The following PZP variants were observed in gnomAD, a reference collection of about 807,000 sequenced individuals.
PZP encodes the protein PZP alpha-2-macroglobulin like.
PZP carries 150 observed loss-of-function variants against 179.8 expected under a neutral mutation model. That is an observed-to-expected ratio of 0.83 (90% CI 0.73 to 0.96). PZP has a LOEUF of 0.96. Ranked by LOEUF, PZP falls within the 40% of genes least tolerant of loss-of-function variation. PZP has a pLI of 0.00. For synonymous variants in PZP, 624 were observed against 652.3 expected, an observed-to-expected ratio of 0.96 and a Z score of 0.66; for missense variants, 1,689 against 1,764.0, an observed-to-expected ratio of 0.96 and a Z score of 0.76.
At chr12:9,160,632 C>T (rs988134856) in intron 23 of PZP, 142 bp from the exon 24 acceptor site, 9 of 788,022 alleles carry the variant, frequency 1.1e-5, no homozygotes, top group Middle Eastern at 3.7e-4. Flanking sequence ...TTCCAGAATC[C>T]TAATAAGAAT....
At position 9,158,556 on chromosome 12, in the gene PZP, T is replaced by G. The variant is rs759287138; in HGVS notation, c.3158A>C (p.Lys1053Thr). Residue 1053 changes from lysine to threonine, a missense_variant, in exon 26 of 36, where the codon AAG becomes ACG. By Grantham distance (78) the Lys-to-Thr change is moderately conservative. Coordinates refer to ENST00000261336, the MANE Select transcript of PZP (RefSeq NM_002864.3). Reference sequence around the variant, plus strand: ...GTAGGATCGAGCCTGGGCGAAAGTCTTCAGTACAAAAGCTGTGAGCCTAGG... The same window carrying G: ...GTAGGATCGAGCCTGGGCGAAAGTCGTCAGTACAAAAGCTGTGAGCCTAGG... ...GNTWLTAFVL[K>T]TFAQARSYIF... The G allele has an allele frequency of 1.2e-6, 2 of 1,614,070 alleles. No individual in the cohort carries two copies. Among genetic ancestry groups the G allele is most frequent in the Admixed American group, 1.7e-5 (1 of 60,014 alleles).
chr12:9,179,978 C>T (rs1303901461), intron 15 of PZP, among the ~76,000 whole-genome samples: 1 of 152,168 alleles, frequency 6.6e-6, no homozygotes, highest in Non-Finnish European at 1.5e-5. Context: ...TCTGAATCCA[C>T]TTTTCTAATC....
chr12:9,152,732 C>G, intron 31 of PZP, 92 bp downstream of exon 31: 1 of 1,329,412 alleles, frequency 7.5e-7, no homozygotes, highest in Non-Finnish European at 1.0e-6. Flanking sequence ...TTATATTAAT[C>G]TAATAACATA....
chr12:9,137,804 AT>A, the PZP span, among the ~76,000 whole-genome samples: 2 of 151,814 alleles, frequency 1.3e-5, no homozygotes, highest in Non-Finnish European at 2.9e-5. Flanking sequence ...TGTTGTCTTA[AT>A]TTCCTTTTCA....
In PZP at chr12:9,180,381, A is replaced by G. The variant is rs1191853052; in HGVS notation, c.1839+602T>C. Among the ~76,000 whole-genome samples the G allele has an allele frequency of 2.6e-5, 4 of 152,166 alleles. No homozygotes were observed. In the East Asian group the frequency reaches 5.8e-4, roughly 22 times the overall value. On this transcript the variant is annotated intron_variant, in intron 15 of 35. Coordinates refer to ENST00000261336, the MANE Select transcript of PZP (RefSeq NM_002864.3). ...AAAAGAACAAAGCTGGAGGCATCAC[A>G]CTACCTGACTTCAAACTATACTATA...
intron 7 of PZP, 134 bp downstream of exon 7, chr12:9,200,230 C>T (rs755192321): frequency 2.7e-5 from 14 of 521,098 alleles, no homozygotes; most frequent in South Asian, 1.8e-4. Context: ...AATAGTAAGT[C>T]GTTAAATAAA....
rs376566013 is a variant in PZP, at chr12:9,192,640, C to T, written c.1354G>A (p.Gly452Arg). ...ACAGGCTCCAGGTGAATGTAACTTC[C>T]ACTTAAGGAGAAAACACGATTTGCA... ...HTANRVFSLSGSYIHLEPVAG... is the reference protein window; with the variant it reads ...HTANRVFSLSRSYIHLEPVAG... Residue 452 changes from glycine to arginine, a missense_variant, in exon 12 of 36, where the codon GGA becomes AGA. Gly to Arg is a moderately radical substitution (Grantham distance 125, BLOSUM62 -2). This residue lies in a region of PZP where 742 missense variants were observed against 730.5 expected (regional missense o/e 1.02). Coordinates refer to ENST00000261336, the MANE Select transcript of PZP (RefSeq NM_002864.3). 1 of 1,614,108 alleles carries T rather than the reference C, an allele frequency of 6.2e-7. No individual in the cohort carries two copies. The highest frequency in any genetic ancestry group is 1.3e-5 in the African/African-American group (1 of 75,054).
chr12:9,207,952 A>C (rs1944523977), intron 1 of PZP, among the ~76,000 whole-genome samples: 1 of 152,196 alleles, frequency 6.6e-6, no homozygotes, highest in African/African-American at 2.4e-5. Context: ...ATATATTTCG[A>C]ATATCTCTAT....
At chr12:9,174,684 C>G (rs1374738847) in intron 15 of PZP, among the ~76,000 whole-genome samples, 1 of 152,016 alleles carries the variant, frequency 6.6e-6, no homozygotes, top group Non-Finnish European at 1.5e-5. Flanking sequence ...AGCAGAGATC[C>G]AAATCATGAA....
At chr12:9,192,066 T>C in intron 13 of PZP, 127 bp downstream of exon 13, 1 of 755,546 alleles carries the variant, frequency 1.3e-6, no homozygotes, top group Non-Finnish European at 2.3e-6. Flanking sequence ...ATAAGACGAG[T>C]ATTTTCCTGC....
Position 9,152,871 on chromosome 12 carries a change from G to T in PZP, c.4074C>A (p.Cys1358Ter), listed in dbSNP as rs1014089570. 1 of 1,614,032 alleles carries T rather than the reference G, an allele frequency of 6.2e-7. No homozygotes were observed. Among genetic ancestry groups the T allele is most frequent in the East Asian group, 2.2e-5 (1 of 44,882 alleles). Residue 1358 changes from cysteine to a stop codon, truncating the protein, a stop_gained, in exon 31 of 36, where the codon TGC becomes TGA. Transcript: ENST00000261336. LOFTEE classifies it high-confidence loss of function. ...ALKVQTVPQT[C>*]DGHKAHTSFQ... ...AGCTGGTGTGGGCTTTGTGTCCATC[G>T]CAAGTTTGGGGCACAGTCTGCACTT...
In PZP at chr12:9,169,538, G is replaced by T. The variant is rs143702552; in HGVS notation, c.1893C>A (p.Asp631Glu). 155 of 1,612,778 alleles carry T rather than the reference G, an allele frequency of 9.6e-5. No homozygotes were observed. Among genetic ancestry groups the T allele is most frequent in the Middle Eastern group, 1.6e-4 (1 of 6,078 alleles). ...KDLTNFPDNV[D>E]QQEEEQGHCP... ...AGTGTCCTTGTTCTTCCTCCTGCTG[G>T]TCCACATTGTCAGGAAAATTGGTGA... Residue 631 changes from aspartate to glutamate, a missense_variant, in exon 16 of 36, where the codon GAC (aspartate) becomes GAA (glutamate). Physicochemically the swap from Asp to Glu is conservative, Grantham distance 45. This residue lies in a region of PZP where 201 missense variants were observed against 284.2 expected (regional missense o/e 0.71). Coordinates refer to ENST00000261336, the MANE Select transcript of PZP (RefSeq NM_002864.3).
the PZP span, among the ~76,000 whole-genome samples, chr12:9,143,593 A>G: frequency 3.3e-5 from 5 of 152,178 alleles, no homozygotes; most frequent in Admixed American, 6.5e-5. Context: ...CTTAGGTAGA[A>G]GAAAGCCTGA....
At chr12:9,149,060 G>T in intron 35 of PZP, 66 bp from the exon 36 acceptor site, 2 of 1,423,764 alleles carry the variant, frequency 1.4e-6, no homozygotes, top group Non-Finnish European at 2.0e-6. Flanking sequence ...TTGAGTGTGG[G>T]CAGCAGAGTG....
chr12:9,164,361 T>G, intron 19 of PZP, 102 bp from the exon 20 acceptor site: 1 of 1,312,954 alleles, frequency 7.6e-7, no homozygotes, highest in Non-Finnish European at 1.0e-6. Flanking sequence ...AAATTGGGAT[T>G]TGTAAGAAAA....
In PZP at chr12:9,157,353, GT is replaced by G. The variant is rs1565626060; in HGVS notation, c.3371del (p.Asn1124ThrfsTer17). The G allele has an allele frequency of 6.2e-6, 10 of 1,610,554 alleles. No individual in the cohort carries two copies. The highest frequency in any genetic ancestry group is 1.7e-5 in the Admixed American group (1 of 59,788). ...ALLEIPLPVTNPIVRNALFCL... is the reference protein window; with the variant it reads ...ALLEIPLPVTXPIVRNALFCL... ...AGAACAGGGCATTGCGAACAATAGG[GT>G]TCTGTAAAGGCAAAATGTGGTTGTG... is the stretch of plus-strand genomic sequence containing the variant. On this transcript the variant is annotated frameshift_variant and splice_region_variant, in exon 28 of 36. Coordinates refer to ENST00000261336, the MANE Select transcript of PZP (RefSeq NM_002864.3). LOFTEE classifies it high-confidence loss of function.
At chr12:9,159,190 C>T (rs1940989405) in intron 25 of PZP, among the ~76,000 whole-genome samples, 1 of 152,052 alleles carries the variant, frequency 6.6e-6, no homozygotes, top group South Asian at 2.1e-4. Context: ...TTTAAGGGGG[C>T]AAGTTACAAA....
At chr12:9,140,402 T>C in the PZP span, among the ~76,000 whole-genome samples, 73 of 152,286 alleles carry the variant, frequency 4.8e-4, 2 homozygotes, top group African/African-American at 1.6e-3. Context: ...TCGGCCCAAT[T>C]GGTTGAGATA....
chr12:9,157,751 T>C lies in PZP; in HGVS notation c.3369+16A>G. The C allele has an allele frequency of 6.2e-7, 1 of 1,605,688 alleles. No homozygotes were observed. Among genetic ancestry groups the C allele is most frequent in the South Asian group, 1.1e-5 (1 of 90,888 alleles). ...ACAGTTTTCATGGTAGGGAATGGGA[T>C]TGAGCTGGTACCTACAGTGACTGGG... is the stretch of plus-strand genomic sequence containing the variant. On this transcript the variant is annotated intron_variant, in intron 27 of 35. Transcript: ENST00000261336.
Sources: allele counts gnomAD v4.1 joint callset (sites outside exome capture counted in the v4.1 genomes callset), GRCh38; gene constraint gnomAD v4.1.1; regional missense constraint gnomAD v4.1.1; transcripts MANE v1.5; gene names NCBI Gene and HGNC (gene_info 2026-07-23, HGNC 2026-07-21).